The following CASR variants were observed in gnomAD, a reference collection of about 807,000 sequenced individuals.
The protein encoded by CASR is extracellular calcium-sensing receptor.
Under a neutral mutation model 69.1 loss-of-function variants are expected in CASR, and 23 were observed. That is an observed-to-expected ratio of 0.33 (90% CI 0.24 to 0.47). CASR has a LOEUF of 0.47. Ranked by LOEUF, CASR falls within the 20% of genes least tolerant of loss-of-function variation. The pLI, the probability that CASR is intolerant of heterozygous loss-of-function variation, is 1.00. For missense variants in CASR, 924 were observed against 1,356.1 expected, an observed-to-expected ratio of 0.68 and a Z score of 5.00; for synonymous variants, 541 against 544.7, an observed-to-expected ratio of 0.99 and a Z score of 0.10.
intron 1 of CASR, among the ~76,000 whole-genome samples, chr3:122,231,067 A>G (rs2074273886): frequency 2.0e-5 from 3 of 152,086 alleles, no homozygotes; most frequent in African/African-American, 7.2e-5. Context: ...GTCATCATCC[A>G]CCTGCAGTCA....
chr3:122,233,452 C>T (rs1049478229), intron 1 of CASR, among the ~76,000 whole-genome samples: 2 of 152,218 alleles, frequency 1.3e-5, no homozygotes, highest in Non-Finnish European at 2.9e-5. Context: ...TCTCTAATCT[C>T]ACCACAGGTA....
At chr3:122,219,276 G>A (rs2074148100) in intron 1 of CASR, among the ~76,000 whole-genome samples, 2 of 152,214 alleles carry the variant, frequency 1.3e-5, no homozygotes, top group African/African-American at 2.4e-5. Flanking sequence ...AACTTGCACT[G>A]GGACTGTGAT....
intron 1 of CASR, among the ~76,000 whole-genome samples, chr3:122,226,855 G>A (rs1218783158): frequency 6.6e-6 from 1 of 152,056 alleles, no homozygotes; most frequent in Admixed American, 6.5e-5. Flanking sequence ...CACACCCTGA[G>A]CTAGACACAG....
At chr3:122,255,044 T>A (rs1346632298) in intron 2 of CASR, among the ~76,000 whole-genome samples, 1 of 150,334 alleles carries the variant, frequency 6.7e-6, no homozygotes, top group Non-Finnish European at 1.5e-5. Flanking sequence ...CTAATATGTC[T>A]CATCAAATAT....
chr3:122,254,130 T>C lies in CASR; in HGVS notation c.-60T>C, dbSNP rs919731972. ...GAGTGAACTGCTCCAAGGGAGAAAC[T>C]TCTGGGAGCCTCCAAACTCCTAGCT... On this transcript the variant is annotated 5_prime_UTR_variant, in exon 2 of 7. Transcript: ENST00000639785. The C allele has an allele frequency of 6.5e-7, 1 of 1,549,304 alleles. No homozygotes were observed. The highest frequency in any genetic ancestry group is 1.4e-5 in the African/African-American group (1 of 73,670).
At chr3:122,243,037 A>T (rs2074393309) in intron 1 of CASR, among the ~76,000 whole-genome samples, 1 of 152,182 alleles carries the variant, frequency 6.6e-6, no homozygotes, top group African/African-American at 2.4e-5. Context: ...AATGGATTAG[A>T]TACTTAAATA....
intron 5 of CASR, among the ~76,000 whole-genome samples, chr3:122,276,977 A>G (rs1355787345): frequency 6.6e-6 from 1 of 151,170 alleles, no homozygotes; most frequent in Non-Finnish European, 1.5e-5. Context: ...GGAAGCCTGG[A>G]TAAGACCCAC....
intron 1 of CASR, among the ~76,000 whole-genome samples, chr3:122,215,773 G>T (rs2074111688): frequency 6.6e-6 from 1 of 152,226 alleles, no homozygotes; most frequent in Non-Finnish European, 1.5e-5. Context: ...TTGGTGCCAA[G>T]TCAGGTATAA....
chr3:122,237,828 C>T (rs1399095135), intron 1 of CASR, among the ~76,000 whole-genome samples: 3 of 152,150 alleles, frequency 2.0e-5, no homozygotes, highest in African/African-American at 7.2e-5. Context: ...TCATAGAGTG[C>T]AGTGGGAAGA....
At chr3:122,268,779 G>A (rs2074722585) in intron 4 of CASR, among the ~76,000 whole-genome samples, 1 of 152,204 alleles carries the variant, frequency 6.6e-6, no homozygotes, top group African/African-American at 2.4e-5. Flanking sequence ...GACAGTGGAG[G>A]ACAGTAACAC....
intron 4 of CASR, among the ~76,000 whole-genome samples, chr3:122,275,337 C>A (rs2107642971): frequency 6.6e-6 from 1 of 152,348 alleles, no homozygotes; most frequent in South Asian, 2.1e-4. Flanking sequence ...TGAATCTTGG[C>A]AGCAAAGCAC....
intron 1 of CASR, among the ~76,000 whole-genome samples, chr3:122,207,373 T>C (rs1018848134): frequency 2.6e-5 from 4 of 152,158 alleles, no homozygotes; most frequent in Non-Finnish European, 5.9e-5. Context: ...ATACACATTA[T>C]TTTCATCAGC....
At chr3:122,196,993 G>A (rs1346080921) in intron 1 of CASR, among the ~76,000 whole-genome samples, 1 of 151,832 alleles carries the variant, frequency 6.6e-6, no homozygotes, top group African/African-American at 2.4e-5. Flanking sequence ...TATTATCTTT[G>A]CCAATTTCAA....
intron 5 of CASR, among the ~76,000 whole-genome samples, chr3:122,277,222 T>C (rs896469748): frequency 2.0e-5 from 3 of 151,940 alleles, no homozygotes; most frequent in Admixed American, 2.0e-4. Flanking sequence ...AATTGTTGTA[T>C]TTTTAGTAGA....
chr3:122,243,934 C>G (rs1021084061), intron 1 of CASR, among the ~76,000 whole-genome samples: 1 of 151,926 alleles, frequency 6.6e-6, no homozygotes, highest in African/African-American at 2.4e-5. Context: ...CGAAGATGGA[C>G]TTTGCATGTT....
intron 1 of CASR, among the ~76,000 whole-genome samples, chr3:122,202,948 A>G (rs2073972335): frequency 6.6e-6 from 1 of 152,162 alleles, no homozygotes; most frequent in Admixed American, 6.5e-5. Flanking sequence ...CCATCTGTCA[A>G]TTATCAAGGT....
chr3:122,201,404 C>A (rs1559935713), intron 1 of CASR, among the ~76,000 whole-genome samples: 3 of 152,246 alleles, frequency 2.0e-5, no homozygotes, highest in Admixed American at 2.0e-4. Context: ...CTACCTCTCT[C>A]CACACAGACA....
chr3:122,240,245 G>C (rs2074367736), intron 1 of CASR, among the ~76,000 whole-genome samples: 1 of 152,128 alleles, frequency 6.6e-6, no homozygotes, highest in South Asian at 2.1e-4. Flanking sequence ...CATGTTTAAA[G>C]TGCTGAAGAA....
At position 122,284,508 on chromosome 3, in the gene CASR, A is replaced by C; in HGVS notation, c.2554A>C (p.Ile852Leu). The C allele has an allele frequency of 6.2e-7, 1 of 1,613,544 alleles. No individual in the cohort carries two copies. ...LAASFGLLAC[I>L]FFNKIYIILF... ...AGCCAGCTTTGGCTTGCTGGCGTGC[A>C]TCTTCTTCAACAAGATCTACATCAT... The change falls in exon 7 of 7, where the codon ATC (isoleucine) becomes CTC (leucine). Residue 852 changes from isoleucine to leucine, a missense_variant. By Grantham distance (5) the Ile-to-Leu change is conservative. Coordinates refer to ENST00000639785, the MANE Select transcript of CASR (RefSeq NM_000388.4).
Sources: gnomAD v4.1 joint callset for allele counts (sites outside exome capture counted in the v4.1 genomes callset) on GRCh38, gnomAD v4.1.1 for gene constraint, MANE v1.5 for transcripts, NCBI Gene and HGNC (gene_info 2026-07-23, HGNC 2026-07-21) for gene names.